Variants in RNF13 observed in about 807,000 individuals in gnomAD.
The protein encoded by RNF13 is ring finger protein 13.
RNF13 carries 19 observed loss-of-function variants against 37.7 expected under a neutral mutation model. The observed-to-expected ratio is 0.50, with a 90% CI of 0.35 to 0.74. RNF13 has a LOEUF of 0.74. RNF13 is among the 30% of genes least tolerant of loss of function. RNF13 has a pLI of 0.01. For synonymous variants in RNF13, 144 were observed against 157.8 expected, an observed-to-expected ratio of 0.91 and a Z score of 0.65; for missense variants, 375 against 453.0, an observed-to-expected ratio of 0.83 and a Z score of 1.56.
At chr3:149,930,981 AT>A (rs1320703289) in intron 8 of RNF13, among the ~76,000 whole-genome samples, 1 of 151,524 alleles carries the variant, frequency 6.6e-6, no homozygotes, top group Non-Finnish European at 1.5e-5. Flanking sequence ...CTAGATATCG[AT>A]TTCATTTATC....
At chr3:149,910,834 A>G (rs542789747) in intron 6 of RNF13, among the ~76,000 whole-genome samples, 15 of 152,304 alleles carry the variant, frequency 9.8e-5, no homozygotes, top group African/African-American at 3.4e-4. Flanking sequence ...AACTAAGGGT[A>G]TTTTTAATGC....
At chr3:149,873,562 C>G (rs1482767364) in intron 4 of RNF13, among the ~76,000 whole-genome samples, 5 of 152,108 alleles carry the variant, frequency 3.3e-5, no homozygotes, top group Non-Finnish European at 7.4e-5. Flanking sequence ...TACTGCCTAC[C>G]TGAACTCTCT....
intron 8 of RNF13, among the ~76,000 whole-genome samples, chr3:149,956,083 T>TGG (rs1416455544): frequency 4.6e-5 from 7 of 151,988 alleles, no homozygotes; most frequent in African/African-American, 1.7e-4. Flanking sequence ...AGACAGGATG[T>TGG]GGGGGTAGAG....
chr3:149,906,147 A>G (rs1363044812), intron 6 of RNF13, among the ~76,000 whole-genome samples: 1 of 152,138 alleles, frequency 6.6e-6, no homozygotes, highest in African/African-American at 2.4e-5. Context: ...TCATATTGTA[A>G]CATGTATTGG....
chr3:149,927,803 T>C (rs1212014680), intron 8 of RNF13, among the ~76,000 whole-genome samples: 1 of 152,174 alleles, frequency 6.6e-6, no homozygotes, highest in African/African-American at 2.4e-5. Flanking sequence ...TTATTTTCAA[T>C]TGGGTGGTTT....
At chr3:149,861,178 AACT>A (rs1337536334) in intron 3 of RNF13, among the ~76,000 whole-genome samples, 1 of 152,094 alleles carries the variant, frequency 6.6e-6, no homozygotes, top group Non-Finnish European at 1.5e-5. Flanking sequence ...AAATTAGTAC[AACT>A]ACTGTGGAAA....
At chr3:149,883,171 A>G (rs887314246) in intron 4 of RNF13, among the ~76,000 whole-genome samples, 1 of 152,098 alleles carries the variant, frequency 6.6e-6, no homozygotes, top group Non-Finnish European at 1.5e-5. Context: ...TAACCATTTC[A>G]GGATCCAATC....
chr3:149,953,563 C>T (rs1721555447), intron 8 of RNF13, among the ~76,000 whole-genome samples: 1 of 152,180 alleles, frequency 6.6e-6, no homozygotes, highest in East Asian at 1.9e-4. Context: ...TACGTAGCTG[C>T]TTAAGTATAT....
intron 2 of RNF13, 57 bp from the exon 3 acceptor site, chr3:149,852,459 T>C: frequency 1.4e-6 from 1 of 704,902 alleles, no homozygotes; most frequent in Admixed American, 2.9e-5. Flanking sequence ...TAAGTCTTTG[T>C]TTTTAATGTT....
At chr3:149,895,350 T>TA (rs1715131762) in intron 4 of RNF13, 123 bp from the exon 5 acceptor site, 1 of 597,624 alleles carries the variant, frequency 1.7e-6, no homozygotes, top group African/African-American at 1.9e-5. Context: ...TTTGAGTCCT[T>TA]TTAATGTTTT....
intron 8 of RNF13, among the ~76,000 whole-genome samples, chr3:149,943,820 T>A (rs546328293): frequency 3.5e-4 from 54 of 152,126 alleles, no homozygotes; most frequent in South Asian, 1.0e-3. Flanking sequence ...CTTTTTTTTT[T>A]TATATATATA....
chr3:149,860,993 G>A (rs1371648913), intron 3 of RNF13, among the ~76,000 whole-genome samples: 2 of 151,868 alleles, frequency 1.3e-5, no homozygotes, highest in Admixed American at 6.6e-5. Context: ...AATGGCCAAC[G>A]GGCATATGAA....
intron 8 of RNF13, among the ~76,000 whole-genome samples, chr3:149,932,896 T>A (rs1050291248): frequency 6.6e-6 from 1 of 152,214 alleles, no homozygotes; most frequent in Admixed American, 6.5e-5. Context: ...ACATTTCCCC[T>A]CAATACTGCA....
chr3:149,851,962 T>G (rs1016669208), intron 2 of RNF13, among the ~76,000 whole-genome samples: 5 of 152,200 alleles, frequency 3.3e-5, no homozygotes, highest in African/African-American at 1.2e-4. Context: ...GTTAAAGAGT[T>G]TGAATACCTC....
intron 6 of RNF13, among the ~76,000 whole-genome samples, chr3:149,909,642 A>G (rs1288215658): frequency 6.6e-6 from 1 of 152,112 alleles, no homozygotes; most frequent in Admixed American, 6.6e-5. Flanking sequence ...ACGGTAAACT[A>G]AAATGGTATT....
chr3:149,875,182 A>C (rs903674932), intron 4 of RNF13, among the ~76,000 whole-genome samples: 3 of 152,158 alleles, frequency 2.0e-5, no homozygotes, highest in Admixed American at 6.5e-5. Flanking sequence ...AATTGATGGT[A>C]GTGCAGGGTT....
chr3:149,939,366 C>G (rs1720025871), intron 8 of RNF13: 1 of 483,246 alleles, frequency 2.1e-6, no homozygotes, highest in Non-Finnish European at 4.0e-6. Flanking sequence ...TCTGCCACCT[C>G]CGGGGGCAGA....
intron 8 of RNF13, among the ~76,000 whole-genome samples, chr3:149,925,083 T>C (rs569285360): frequency 1.3e-5 from 2 of 152,206 alleles, no homozygotes; most frequent in African/African-American, 4.8e-5. Flanking sequence ...GGAGGAGGTA[T>C]TGGAGCTTTT....
chr3:149,861,730 G>A (rs1724275046), intron 3 of RNF13, among the ~76,000 whole-genome samples: 1 of 152,088 alleles, frequency 6.6e-6, no homozygotes, highest in Admixed American at 6.6e-5. Flanking sequence ...AGAGTAGGGT[G>A]ACTATAGTTA....
Sources: allele counts gnomAD v4.1 joint callset (sites outside exome capture counted in the v4.1 genomes callset), GRCh38; gene constraint gnomAD v4.1.1; transcripts MANE v1.5; gene names NCBI Gene and HGNC (gene_info 2026-07-23, HGNC 2026-07-21).